Variants in PTPRK observed in about 807,000 individuals in gnomAD.
The protein encoded by PTPRK is receptor-type tyrosine-protein phosphatase kappa.
PTPRK carries 75 observed loss-of-function variants against 178.0 expected under a neutral mutation model. The observed-to-expected ratio is 0.42, with a 90% confidence interval of 0.35 to 0.51. The LOEUF is 0.51. Ranked by LOEUF, PTPRK falls within the 20% of genes least tolerant of loss-of-function variation. The pLI, the probability that PTPRK is intolerant of heterozygous loss-of-function variation, is 0.02. For synonymous variants in PTPRK, 637 were observed against 620.6 expected (o/e 1.03, Z -0.39); for missense variants, 1,441 against 1,797.8 (o/e 0.80, Z 3.59).
At chr6:128,017,606 A>T (rs1216529638) in intron 13 of PTPRK, among the ~76,000 whole-genome samples, 3 of 151,040 alleles carry the variant, frequency 2.0e-5, no homozygotes, top group East Asian at 3.9e-4. Context: ...TGAAGATAAA[A>T]GTCTCAAGGG....
At chr6:128,133,772 C>T (rs1475991316) in intron 7 of PTPRK, among the ~76,000 whole-genome samples, 3 of 150,134 alleles carry the variant, frequency 2.0e-5, no homozygotes, top group Non-Finnish European at 2.9e-5. Context: ...AGGCTGTTCT[C>T]GAACTCTTGG....
intron 3 of PTPRK, among the ~76,000 whole-genome samples, chr6:128,278,217 C>T (rs888146998): frequency 7.3e-5 from 11 of 151,668 alleles, no homozygotes; most frequent in South Asian, 2.1e-4. Flanking sequence ...AGTGCAATGG[C>T]GTGATCTTAG....
chr6:128,175,320 C>T (rs543993642), intron 7 of PTPRK, among the ~76,000 whole-genome samples: 39 of 151,822 alleles, frequency 2.6e-4, no homozygotes, highest in African/African-American at 8.0e-4. Flanking sequence ...GTCAGTAAAG[C>T]GCATTGATAT....
At position 127,973,681 on chromosome 6, in the gene PTPRK, C is replaced by A; in HGVS notation, c.4116G>T (p.Arg1372=). The A allele has an allele frequency of 1.9e-6, 3 of 1,613,756 alleles. No homozygotes were observed. The highest frequency in any genetic ancestry group is 1.7e-4 in the Middle Eastern group (1 of 5,906). The change falls in exon 28 of 30, where the codon CGG becomes CGT. Residue 1372 remains arginine (R), a synonymous_variant. Coordinates refer to ENST00000368226, the MANE Select transcript of PTPRK (RefSeq NM_002844.4). ...CTACTCACAGGCAGTGGATAATCGT[C>A]CGGCCTTCCCCTTCCTCGCATTCCT... ...WQEECEEGEG[R]TIIHCLNGGG...
At chr6:128,017,821 T>TACAC in intron 13 of PTPRK, among the ~76,000 whole-genome samples, 1 of 140,104 alleles carries the variant, frequency 7.1e-6, no homozygotes, top group East Asian at 2.1e-4. Context: ...TATATATATA[T>TACAC]ATATATATAT....
At chr6:128,077,064 C>T (rs185950915) in intron 11 of PTPRK, among the ~76,000 whole-genome samples, 3 of 152,026 alleles carry the variant, frequency 2.0e-5, no homozygotes, top group South Asian at 2.1e-4. Context: ...TTGCAACTTA[C>T]GTAAAATAAA....
chr6:128,086,210 G>T (rs1456678217), intron 8 of PTPRK, among the ~76,000 whole-genome samples: 3 of 152,120 alleles, frequency 2.0e-5, no homozygotes, highest in Non-Finnish European at 4.4e-5. Flanking sequence ...ATGGAAAAGA[G>T]AGTGGAAATA....
At chr6:127,991,253 G>A (rs1035887350) in intron 20 of PTPRK, 41 bp downstream of exon 20, 1 of 1,469,716 alleles carries the variant, frequency 6.8e-7, no homozygotes, top group African/African-American at 1.4e-5. Flanking sequence ...TCTCAACTAT[G>A]TTCATTTTTA....
intron 13 of PTPRK, among the ~76,000 whole-genome samples, chr6:128,017,516 A>C (rs1383225550): frequency 6.6e-6 from 1 of 151,564 alleles, no homozygotes; most frequent in Non-Finnish European, 1.5e-5. Flanking sequence ...ACCAGTAGCT[A>C]TGAGGTGTCT....
At chr6:128,194,689 T>C (rs1804555467) in intron 6 of PTPRK, among the ~76,000 whole-genome samples, 2 of 152,160 alleles carry the variant, frequency 1.3e-5, no homozygotes, top group Admixed American at 6.5e-5. Flanking sequence ...CATAAACAGG[T>C]GATCACCTCA....
intron 5 of PTPRK, among the ~76,000 whole-genome samples, chr6:128,226,590 A>G (rs907957296): frequency 1.3e-5 from 2 of 152,000 alleles, no homozygotes; most frequent in African/African-American, 4.8e-5. Flanking sequence ...CCAGTGAACA[A>G]CAGCTTCAGT....
chr6:128,505,837 T>G (rs1365976181), intron 1 of PTPRK, among the ~76,000 whole-genome samples: 1 of 152,214 alleles, frequency 6.6e-6, no homozygotes, highest in Non-Finnish European at 1.5e-5. Flanking sequence ...ACTCTGCAAA[T>G]GAGCTAATAA....
Position 128,081,014 on chromosome 6 carries a change from T to TAC in PTPRK, c.1777+1421_1777+1422dup, listed in dbSNP as rs144429592. ...CACAGTATCTGAGCCTTGAGAGACA[T>TAC]ACACACACACACACACAAACATTTA... On this transcript the variant is annotated intron_variant, in intron 10 of 29. Coordinates refer to ENST00000368226, the MANE Select transcript of PTPRK (RefSeq NM_002844.4). Among the ~76,000 whole-genome samples the TAC allele has an allele frequency of 4.1e-3, 619 of 150,952 alleles. 3 individuals are homozygous for TAC. The highest frequency in any genetic ancestry group is 0.013 in the African/African-American group (544 of 41,256).
intron 13 of PTPRK, 79 bp from the exon 14 acceptor site, chr6:128,009,347 C>T: frequency 2.3e-6 from 3 of 1,303,950 alleles, no homozygotes; most frequent in South Asian, 2.7e-5. Flanking sequence ...TAATTACCTC[C>T]AAGAAACACA....
chr6:128,008,178 A>T, intron 14 of PTPRK: 1 of 663,032 alleles, frequency 1.5e-6, no homozygotes, highest in Non-Finnish European at 2.3e-6. Flanking sequence ...CTATAATGTT[A>T]ATGCTTTATT....
intron 1 of PTPRK, among the ~76,000 whole-genome samples, chr6:128,421,339 C>G (rs1244427736): frequency 6.6e-6 from 1 of 152,124 alleles, no homozygotes; most frequent in Non-Finnish European, 1.5e-5. Context: ...CAAAATAGGG[C>G]TGGTTGCCAA....
intron 13 of PTPRK, among the ~76,000 whole-genome samples, chr6:128,036,506 C>T (rs936758534): frequency 7.2e-5 from 11 of 152,262 alleles, no homozygotes; most frequent in African/African-American, 2.2e-4. Flanking sequence ...GGAACATGGA[C>T]AAGTACTACG....
At chr6:128,355,713 G>A (rs150615267) in intron 2 of PTPRK, among the ~76,000 whole-genome samples, 1 of 152,100 alleles carries the variant, frequency 6.6e-6, no homozygotes, top group East Asian at 1.9e-4. Flanking sequence ...GAGTTAATGG[G>A]TGCAGCACAC....
At chr6:128,177,744 A>G (rs559573267) in intron 7 of PTPRK, among the ~76,000 whole-genome samples, 16 of 151,920 alleles carry the variant, frequency 1.1e-4, no homozygotes, top group Admixed American at 7.2e-4. Flanking sequence ...TTCAACTTTC[A>G]TGACTCTTAT....
Sources: allele counts gnomAD v4.1 joint callset (sites outside exome capture counted in the v4.1 genomes callset), GRCh38; gene constraint gnomAD v4.1.1; transcripts MANE v1.5; gene names NCBI Gene and HGNC (gene_info 2026-07-23, HGNC 2026-07-21).